DLD: variants seen among roughly 807,000 people sequenced by gnomAD.
DLD encodes the protein dihydrolipoyl dehydrogenase, mitochondrial.
In DLD, 36 loss-of-function variants were observed where a neutral mutation model predicts 62.2. The ratio of observed to expected loss-of-function variants is 0.58; its 90% confidence interval spans 0.44 to 0.76. The LOEUF is 0.76. Among genes scored for constraint, DLD ranks in the 30% least tolerant of loss-of-function variants. The probability of loss-of-function intolerance (pLI) is 0.00; values close to 1 mark genes in which losing one functional copy is unlikely to be tolerated. For synonymous variants in DLD, 204 were observed against 199.6 expected (o/e 1.02, Z -0.19); for missense variants, 541 against 608.6 (o/e 0.89, Z 1.17).
In DLD at chr7:107,902,352, CTTGGTGGAACA is replaced by C. The variant is rs928184329; in HGVS notation, c.228_238del (p.Gly77LeufsTer9). 6.2e-7 allele frequency: 1 copy of C among 1,613,684 alleles called. No homozygotes were observed. The highest frequency in any genetic ancestry group is 8.5e-7 in the Non-Finnish European group (1 of 1,179,852). ...AGTCTGCATTGAGAAAAATGAAACA[CTTGGTGGAACA>C]TGCTTGAATGTTGGTTGTATTCCTT... On this transcript the variant is annotated frameshift_variant, in exon 4 of 14. Transcript: ENST00000205402. LOFTEE classifies it high-confidence loss of function.
chr7:107,919,082 G>A lies in DLD; in HGVS notation c.1447G>A (p.Val483Ile). Residue 483 changes from valine to isoleucine, a missense_variant, in exon 13 of 14, where the codon GTC becomes ATC. Val to Ile is a conservative substitution (Grantham distance 29). Transcript: ENST00000205402. ...YGASCEDIAR[V>I]CHAHPTLSEA... ...AGCATCCTGTGAAGATATAGCTAGA[G>A]TCTGTCATGCACATCCGGTAATTAT... 6.2e-7 allele frequency: 1 copy of A among 1,613,850 alleles called. No individual in the cohort carries two copies. Among genetic ancestry groups the A allele is most frequent in the Non-Finnish European group, 8.5e-7 (1 of 1,179,768 alleles).
At chr7:107,917,181 GT>G in intron 10 of DLD, 91 bp from the exon 11 acceptor site, 3 of 1,479,356 alleles carry the variant, frequency 2.0e-6, no homozygotes, top group Non-Finnish European at 1.9e-6. Flanking sequence ...TTGGTGACTT[GT>G]TTACTGGAAA....
intron 11 of DLD, among the ~76,000 whole-genome samples, chr7:107,917,717 A>G (rs2032305515): frequency 6.6e-6 from 1 of 152,210 alleles, no homozygotes. Flanking sequence ...TTGAAATATA[A>G]CCAGATGGAC....
chr7:107,891,215 T>G lies in DLD; in HGVS notation c.-36T>G, dbSNP rs753015858. On this transcript the variant is annotated 5_prime_UTR_variant, in exon 1 of 14. Coordinates refer to ENST00000205402, the MANE Select transcript of DLD (RefSeq NM_000108.5). ...GAGCGGCGGAGGCGCCCAGCGGAGG[T>G]GAAAGTATTGGCGGAAAGGAAAATA... 4 of 1,612,596 alleles carry G rather than the reference T, an allele frequency of 2.5e-6. No homozygotes were observed. The highest frequency in any genetic ancestry group is 3.4e-6 in the Non-Finnish European group (4 of 1,179,318).
rs759995075 is a variant in DLD at position 107,906,318 on chromosome 7, G to T, written c.634G>T (p.Val212Phe). 2 of 1,611,044 alleles carry T rather than the reference G, an allele frequency of 1.2e-6. No homozygotes were observed. The highest frequency in any genetic ancestry group is 2.2e-5 in the East Asian group (1 of 44,806). The change falls in exon 8 of 14, where the codon GTT becomes TTT. Residue 212 changes from valine (V) to phenylalanine (F), a missense_variant. Transcript: ENST00000205402. ...SSTGALSLKKVPEKMVVIGAG... is the reference protein window; with the variant it reads ...SSTGALSLKKFPEKMVVIGAG... ...TACAGGTGCTTTATCTTTAAAAAAA[G>T]TTCCAGAAAAGATGGTTGTTATTGG...
rs766978570 is a variant in DLD, at chr7:107,891,212, A to C, written c.-39A>C. On this transcript the variant is annotated 5_prime_UTR_variant, in exon 1 of 14. Coordinates refer to ENST00000205402, the MANE Select transcript of DLD (RefSeq NM_000108.5). ...GCGGAGCGGCGGAGGCGCCCAGCGGAGGTGAAAGTATTGGCGGAAAGGAAA... is the reference window on the plus strand; with the variant it reads ...GCGGAGCGGCGGAGGCGCCCAGCGGCGGTGAAAGTATTGGCGGAAAGGAAA... 6 of 1,613,344 alleles carry C rather than the reference A, an allele frequency of 3.7e-6. No individual in the cohort carries two copies. Among genetic ancestry groups the C allele is most frequent in the Non-Finnish European group, 5.1e-6 (6 of 1,179,366 alleles).
In DLD at chr7:107,906,365, A is replaced by G. The variant is rs758280079; in HGVS notation, c.681A>G (p.Glu227=). Reference sequence around the variant, plus strand: ...TTGGTGCAGGAGTAATAGGTGTAGAATTGGTAAGTGTTGTCTTTCTGCCTC... The same window carrying G: ...TTGGTGCAGGAGTAATAGGTGTAGAGTTGGTAAGTGTTGTCTTTCTGCCTC... ...VVIGAGVIGV[E]LGSVWQRLGA... The change falls in exon 8 of 14, where the codon GAA becomes GAG. Residue 227 remains glutamate, a synonymous_variant. Coordinates refer to ENST00000205402, the MANE Select transcript of DLD (RefSeq NM_000108.5). 6.2e-7 allele frequency: 1 copy of G among 1,601,616 alleles called. No homozygotes were observed.
intron 12 of DLD, 126 bp downstream of exon 12, chr7:107,918,187 CTG>C (rs895267386): frequency 2.0e-6 from 2 of 1,002,528 alleles, no homozygotes; most frequent in Admixed American, 1.8e-5. Context: ...ATATGGCTCT[CTG>C]TGCATCATTT....
intron 1 of DLD, among the ~76,000 whole-genome samples, chr7:107,891,791 C>T (rs1316400625): frequency 6.6e-6 from 1 of 152,222 alleles, no homozygotes; most frequent in East Asian, 1.9e-4. Flanking sequence ...CCCCTAAGGT[C>T]TTGTCAGTGT....
At position 107,905,048 on chromosome 7, in the gene DLD, A is replaced by G. The variant is rs760090855; in HGVS notation, c.428A>G (p.Lys143Arg). The G allele has an allele frequency of 1.3e-6, 2 of 1,599,360 alleles. No individual in the cohort carries two copies. The highest frequency in any genetic ancestry group is 1.7e-5 in the Admixed American group (1 of 59,948). ...ALTGGIAHLF[K>R]QNKVVHVNGY... is the part of the protein sequence containing the mutation. ...ACAGGTGGAATTGCCCACTTATTCA[A>G]ACAGAATAAGGTCAGTGTTTAATAT... Residue 143 changes from lysine to arginine, a missense_variant, in exon 6 of 14, where the codon AAA (lysine) becomes AGA (arginine). By Grantham distance (26) the Lys-to-Arg change is conservative (BLOSUM62 2). Transcript: ENST00000205402.
At chr7:107,903,608 A>G (rs889865883) in intron 5 of DLD, 61 bp downstream of exon 5, 3 of 966,356 alleles carry the variant, frequency 3.1e-6, no homozygotes, top group Non-Finnish European at 5.0e-6. Context: ...TCTTCTGTCT[A>G]AAGACTTAAA....
chr7:107,906,473 GT>G lies in DLD; in HGVS notation c.684+109del, dbSNP rs2032011171. The G allele has an allele frequency of 4.0e-6, 3 of 747,622 alleles. No individual in the cohort carries two copies. The South Asian group carries it at 4.3e-5, about 11-fold the overall frequency. The allele number at this position is 747,622 out of a possible 1,614,324, so 46.3% of individuals were successfully genotyped here. On this transcript the variant is annotated intron_variant, in intron 8 of 13. Transcript: ENST00000205402. The stretch of plus-strand genomic sequence containing the variant: ...AACATTACAGGCTGATCAGCATTGA[GT>G]TTTGCTTAAACACTTCTAGTAATAA...
At chr7:107,906,489 TCTA>T (rs769959381) in intron 8 of DLD, 121 bp downstream of exon 8, 3 of 710,168 alleles carry the variant, frequency 4.2e-6, no homozygotes, top group Non-Finnish European at 5.1e-6. Flanking sequence ...CTTAAACACT[TCTA>T]GTAATAAAGA....
intron 9 of DLD, 58 bp downstream of exon 9, chr7:107,915,754 C>T: frequency 6.7e-6 from 10 of 1,497,748 alleles, no homozygotes; most frequent in Non-Finnish European, 9.2e-6. Context: ...GCAAAACACT[C>T]AAGTTTCAAA....
At chr7:107,916,699 G>A (rs1042320719) in intron 9 of DLD, 95 bp from the exon 10 acceptor site, 8 of 1,275,044 alleles carry the variant, frequency 6.3e-6, no homozygotes, top group Non-Finnish European at 9.2e-6. Flanking sequence ...AAATGAAAAT[G>A]TCATCAACAC....
At chr7:107,903,396 A>G in intron 4 of DLD, 82 bp from the exon 5 acceptor site, 2 of 900,698 alleles carry the variant, frequency 2.2e-6, no homozygotes, top group East Asian at 2.7e-5. Flanking sequence ...GAAAAGAAAG[A>G]CTATCATTTC....
At chr7:107,905,764 A>C (rs1381584391) in intron 7 of DLD, 10 of 484,004 alleles carry the variant, frequency 2.1e-5, no homozygotes, top group African/African-American at 1.7e-4. Context: ...GATAAAATTT[A>C]AAGTCAGTGT....
rs919110927 is a variant in DLD, at chr7:107,904,730, C to T, written c.338-228C>T. ...GTGGGATATAATGTTTTATTTTGGA[C>T]TGCCTTTTTACCCAAGGTAGACATT... On this transcript the variant is annotated intron_variant, in intron 5 of 13. Coordinates refer to ENST00000205402, the MANE Select transcript of DLD (RefSeq NM_000108.5). The T allele has an allele frequency of 2.6e-5, 16 of 610,560 alleles. No individual in the cohort carries two copies. The Admixed American group carries it at 3.4e-4, about 13-fold the overall frequency. 37.8% of individuals were successfully genotyped at this position (610,560 alleles called of 1,614,324 possible).
At chr7:107,891,112 C>T, upstream of DLD, 2 of 1,094,738 alleles carry the variant, frequency 1.8e-6, no homozygotes, top group South Asian at 1.3e-5. Context: ...GCGGTAGAAC[C>T]GCGCGGGCCA....
Sources: gnomAD v4.1 joint callset for allele counts (sites outside exome capture counted in the v4.1 genomes callset) on GRCh38, gnomAD v4.1.1 for gene constraint, MANE v1.5 for transcripts, NCBI Gene and HGNC (gene_info 2026-07-23, HGNC 2026-07-21) for gene names.